The following SLITRK1 variants were observed in gnomAD, a reference collection of about 807,000 sequenced individuals.
The protein encoded by SLITRK1 is SLIT and NTRK-like protein 1.
A neutral mutation model predicts 42.4 loss-of-function variants in SLITRK1; 10 were observed. That is an observed-to-expected ratio of 0.24 (90% CI 0.15 to 0.40). The LOEUF is 0.40. SLITRK1 is among the 10% of genes least tolerant of loss of function. The pLI, the probability that SLITRK1 is intolerant of heterozygous loss-of-function variation, is 1.00. For missense variants in SLITRK1, 778 were observed against 848.8 expected (o/e 0.92, Z 1.04); for synonymous variants, 389 against 365.7 (o/e 1.06, Z -0.73).
chr13:83,880,006 A>G lies in SLITRK1; in HGVS notation c.1502T>C (p.Leu501Pro). The G allele has an allele frequency of 6.2e-7, 1 of 1,614,086 alleles. No homozygotes were observed. Among genetic ancestry groups the G allele is most frequent in the Non-Finnish European group, 8.5e-7 (1 of 1,180,028 alleles). The change falls in exon 2 of 2, where the codon CTG becomes CCG. Residue 501 changes from leucine to proline, a missense_variant. This residue lies in a region of SLITRK1 where 395 missense variants were observed against 360.4 expected (regional missense o/e 1.10). Coordinates refer to ENST00000674365, the MANE Select transcript of SLITRK1 (RefSeq NM_001281503.2). ...FAGVSLSKLSLHNNYFMYLPV... is the reference protein window; with the variant it reads ...FAGVSLSKLSPHNNYFMYLPV... ...GAGGTACATGAAGTAATTGTTGTGC[A>G]GGCTGAGTTTAGAGAGCGAGACCCC...
Position 83,880,692 on chromosome 13 carries a change from C to A in SLITRK1, c.816G>T (p.Pro272=). The part of the protein sequence containing the change: ...PLKNRVDSSL[P]APPAQEETFA... ...AGGTCTCTTCTTGGGCAGGGGGCGC[C>A]GGGAGACTAGAATCCACTCGGTTTT... Residue 272 remains proline, a synonymous_variant, in exon 2 of 2, where the codon CCG becomes CCT. Transcript: ENST00000674365. The A allele has an allele frequency of 6.2e-7, 1 of 1,614,054 alleles. No individual in the cohort carries two copies. The highest frequency in any genetic ancestry group is 8.5e-7 in the Non-Finnish European group (1 of 1,180,022).
chr13:83,880,479 C>A lies in SLITRK1; in HGVS notation c.1029G>T (p.Gly343=). 6.2e-7 allele frequency: 1 copy of A among 1,614,010 alleles called. No homozygotes were observed. Among genetic ancestry groups the A allele is most frequent in the Non-Finnish European group, 8.5e-7 (1 of 1,180,016 alleles). ...KPLANSLPCP[G]GCSCDHIPGS... is the part of the protein sequence containing the mutation. ...CTGGGATGTGGTCGCAGCTGCAGCCCCCAGGGCAGGGTAAACTGTTAGCTA... is the reference window on the plus strand; with the variant it reads ...CTGGGATGTGGTCGCAGCTGCAGCCACCAGGGCAGGGTAAACTGTTAGCTA... The change falls in exon 2 of 2, where the codon GGG becomes GGT. Residue 343 remains glycine, a synonymous_variant. Transcript: ENST00000674365.
intron 1 of SLITRK1, 191 bp from the exon 2 acceptor site, chr13:83,881,751 GAAAAA>G (rs771177138): frequency 1.9e-5 from 2 of 106,704 alleles, no homozygotes; most frequent in Non-Finnish European, 4.0e-5. Flanking sequence ...GGCAAGCAAA[GAAAAA>G]AAAAAAAAAA....
chr13:83,877,417 G>A lies in SLITRK1; in HGVS notation c.*2000C>T, dbSNP rs1193979072. ...TGCAGTCTTTTGACATACTTCTCAA[G>A]GGTGGATATGTGGTGGAATGCAGAC... On this transcript the variant is annotated 3_prime_UTR_variant, in exon 2 of 2. Transcript: ENST00000674365. 2 of 152,040 alleles carry A rather than the reference G, an allele frequency of 1.3e-5. No individual in the cohort carries two copies. Among genetic ancestry groups the A allele is most frequent in the African/African-American group, 4.8e-5 (2 of 41,378 alleles). 9.4% of individuals were successfully genotyped at this position (152,040 alleles called of 1,614,324 possible).
Position 83,879,246 on chromosome 13 carries a change from G to T in SLITRK1, c.*171C>A. 1 of 757,032 alleles carries T rather than the reference G, an allele frequency of 1.3e-6. No individual in the cohort carries two copies. The highest frequency in any genetic ancestry group is 2.2e-6 in the Non-Finnish European group (1 of 463,104). 46.9% of individuals were successfully genotyped at this position (757,032 alleles called of 1,614,324 possible). Reference sequence around the variant, plus strand: ...CTCTTTGTTTCAAGGAGGGAGCTAAGTAAGGGGTCAGGCCCTTTCGGTTGT... The same window carrying T: ...CTCTTTGTTTCAAGGAGGGAGCTAATTAAGGGGTCAGGCCCTTTCGGTTGT... On this transcript the variant is annotated 3_prime_UTR_variant, in exon 2 of 2. Transcript: ENST00000674365.
At position 83,878,604 on chromosome 13, in the gene SLITRK1, TA is replaced by T. The variant is rs2137214926; in HGVS notation, c.*812del. ...AAATAAAAGAACCCAAAACAACCCC[TA>T]AAAACTTCCCTCAACAAAATACATT... On this transcript the variant is annotated 3_prime_UTR_variant, in exon 2 of 2. Transcript: ENST00000674365. 1 of 152,654 alleles carries T rather than the reference TA, an allele frequency of 6.6e-6. No individual in the cohort carries two copies. Among genetic ancestry groups the T allele is most frequent in the South Asian group, 2.1e-4 (1 of 4,826 alleles). The allele number at this position is 152,654 out of a possible 1,614,324, so 9.5% of individuals were successfully genotyped here. A position where few individuals can be genotyped will look rare whatever the true frequency, so the allele number is the denominator to read the frequency against.
chr13:83,879,330 G>A lies in SLITRK1; in HGVS notation c.*87C>T, dbSNP rs1447854075. 6.5e-7 allele frequency: 1 copy of A among 1,544,128 alleles called. No individual in the cohort carries two copies. The highest frequency in any genetic ancestry group is 8.8e-7 in the Non-Finnish European group (1 of 1,133,904). On this transcript the variant is annotated 3_prime_UTR_variant, in exon 2 of 2. Transcript: ENST00000674365. ...TCCAGGCTGATGGCGCGGGGATTTG[G>A]GTACACGCCCCTCCAGCCCCCGGGG...
rs780461274 is a variant in SLITRK1 at position 83,880,439 on chromosome 13, T to C, written c.1069A>G (p.Met357Val). Reference sequence around the variant, plus strand: ...CTCACGTTCCTGTTGTTGCAGTTCATCTTTAAACCCGACCCTGGGATGTGG... The same window carrying C: ...CTCACGTTCCTGTTGTTGCAGTTCACCTTTAAACCCGACCCTGGGATGTGG... ...CDHIPGSGLK[M>V]NCNNRNVSSL... Residue 357 changes from methionine (M) to valine (V), a missense_variant, in exon 2 of 2, where the codon ATG becomes GTG. Met to Val is a conservative substitution (Grantham distance 21). Coordinates refer to ENST00000674365, the MANE Select transcript of SLITRK1 (RefSeq NM_001281503.2). The C allele has an allele frequency of 1.2e-6, 2 of 1,613,970 alleles. No individual in the cohort carries two copies. The highest frequency in any genetic ancestry group is 1.7e-6 in the Non-Finnish European group (2 of 1,180,018).
At position 83,877,798 on chromosome 13, in the gene SLITRK1, G is replaced by A. The variant is rs1884721492; in HGVS notation, c.*1619C>T. On this transcript the variant is annotated 3_prime_UTR_variant, in exon 2 of 2. Transcript: ENST00000674365. ...TTAGGTCTGTCTTTCATTGAGGAGT[G>A]CTGACCAATGAAATCTCCACTCTGT... 1.3e-5 allele frequency: 2 copies of A among 152,426 alleles called. No homozygotes were observed. Among genetic ancestry groups the A allele is most frequent in the South Asian group, 2.1e-4 (1 of 4,826 alleles). The allele number at this position is 152,426 out of a possible 1,614,324, so 9.4% of individuals were successfully genotyped here.
rs753539375 is a variant in SLITRK1, at chr13:83,878,487, C to A, written c.*930G>T. ...GATACTATAATAGAAATCATGGGTA[C>A]TTATTTTACATTCAGATGGAAGGCA... On this transcript the variant is annotated 3_prime_UTR_variant, in exon 2 of 2. Coordinates refer to ENST00000674365, the MANE Select transcript of SLITRK1 (RefSeq NM_001281503.2). 2.6e-5 allele frequency: 4 copies of A among 151,966 alleles called. No individual in the cohort carries two copies. Among genetic ancestry groups the A allele is most frequent in the Admixed American group, 6.6e-5 (1 of 15,208 alleles). The allele number at this position is 151,966 out of a possible 1,614,324, so 9.4% of individuals were successfully genotyped here. A position where few individuals can be genotyped will look rare whatever the true frequency, so the allele number is the denominator to read the frequency against.
rs573017436 is a variant in SLITRK1, at chr13:83,878,448, T to G, written c.*969A>C. 6.6e-6 allele frequency: 1 copy of G among 152,530 alleles called. No individual in the cohort carries two copies. The highest frequency in any genetic ancestry group is 6.6e-5 in the Admixed American group (1 of 15,266). 9.4% of individuals were successfully genotyped at this position (152,530 alleles called of 1,614,324 possible). ...GCTTAACTGCCTCAAAATCATTTTT[T>G]AAATAATTACACTGATACTATAATA... is the stretch of plus-strand genomic sequence containing the variant. On this transcript the variant is annotated 3_prime_UTR_variant, in exon 2 of 2. Transcript: ENST00000674365.
At position 83,879,078 on chromosome 13, in the gene SLITRK1, C is replaced by T. The variant is rs975657411; in HGVS notation, c.*339G>A. Reference sequence around the variant, plus strand: ...TGGATATATGTATATATGTATAGAACCGCGGCATCCAACCCCACAGGCCCC... The same window carrying T: ...TGGATATATGTATATATGTATAGAATCGCGGCATCCAACCCCACAGGCCCC... On this transcript the variant is annotated 3_prime_UTR_variant, in exon 2 of 2. Transcript: ENST00000674365. 4 of 386,590 alleles carry T rather than the reference C, an allele frequency of 1.0e-5. No homozygotes were observed. The highest frequency in any genetic ancestry group is 6.0e-5 in the East Asian group (1 of 16,600). 23.9% of individuals were successfully genotyped at this position (386,590 alleles called of 1,614,324 possible).
In SLITRK1 at chr13:83,880,481, C is replaced by A. The variant is rs1884788343; in HGVS notation, c.1027G>T (p.Gly343Trp). ...GGGATGTGGTCGCAGCTGCAGCCCC[C>A]AGGGCAGGGTAAACTGTTAGCTAAG... The part of the protein sequence containing the change: ...KPLANSLPCP[G>W]GCSCDHIPGS... Residue 343 changes from glycine to tryptophan, a missense_variant, in exon 2 of 2, where the codon GGG becomes TGG. Physicochemically the swap from Gly to Trp is radical, Grantham distance 184. Around this residue, in one of 4 missense-constraint regions of SLITRK1, gnomAD observed 395 missense variants for 360.4 expected, o/e 1.10. Transcript: ENST00000674365. 6.2e-7 allele frequency: 1 copy of A among 1,614,058 alleles called. No individual in the cohort carries two copies. Among genetic ancestry groups the A allele is most frequent in the Non-Finnish European group, 8.5e-7 (1 of 1,180,026 alleles).
At position 83,881,068 on chromosome 13, in the gene SLITRK1, G is replaced by A; in HGVS notation, c.440C>T (p.Pro147Leu). The change falls in exon 2 of 2, where the codon CCG (proline) becomes CTG (leucine). Residue 147 changes from proline to leucine, a missense_variant. Pro to Leu is a moderately conservative substitution (Grantham distance 98). Coordinates refer to ENST00000674365, the MANE Select transcript of SLITRK1 (RefSeq NM_001281503.2). ...ADFNLLRDID[P>L]GAFQDLNKLE... ...CTTGTTCAAGTCCTGGAAGGCCCCC[G>A]GGTCTATATCTCGTAATAAATTAAA... The A allele has an allele frequency of 8.7e-6, 14 of 1,614,012 alleles. No homozygotes were observed. Among genetic ancestry groups the A allele is most frequent in the Non-Finnish European group, 1.2e-5 (14 of 1,180,028 alleles).
At position 83,879,663 on chromosome 13, in the gene SLITRK1, C is replaced by A; in HGVS notation, c.1845G>T (p.Val615=). 1 of 1,613,950 alleles carries A rather than the reference C, an allele frequency of 6.2e-7. No individual in the cohort carries two copies. The highest frequency in any genetic ancestry group is 1.1e-5 in the South Asian group (1 of 91,058). Residue 615 remains valine (V), a synonymous_variant, in exon 2 of 2, where the codon GTG becomes GTT. Transcript: ENST00000674365. ...HSNSYLDTSR[V]SISVLVPGLL... The stretch of plus-strand genomic sequence containing the variant: ...GTCCCGGGACCAACACCGAGATGGA[C>A]ACCCTGCTGGTGTCTAGGTAGGAGT...
At position 83,880,606 on chromosome 13, in the gene SLITRK1, G is replaced by C. The variant is rs373022292; in HGVS notation, c.902C>G (p.Pro301Arg). The C allele has an allele frequency of 6.8e-6, 11 of 1,614,158 alleles. No individual in the cohort carries two copies. The African/African-American group carries it at 9.3e-5, about 14-fold the overall frequency. The change falls in exon 2 of 2, where the codon CCA becomes CGA. Residue 301 changes from proline (P) to arginine (R), a missense_variant. Physicochemically the swap from Pro to Arg is moderately radical, Grantham distance 103 (BLOSUM62 -2). Coordinates refer to ENST00000674365, the MANE Select transcript of SLITRK1 (RefSeq NM_001281503.2). ...KTNGQEDHATPGSAPNGGTKI... is the reference protein window; with the variant it reads ...KTNGQEDHATRGSAPNGGTKI... Reference sequence around the variant, plus strand: ...TGTACCTCCGTTTGGAGCAGACCCTGGTGTGGCATGATCCTCTTGCCCATT... The same window carrying C: ...TGTACCTCCGTTTGGAGCAGACCCTCGTGTGGCATGATCCTCTTGCCCATT...
rs890429459 is a variant in SLITRK1 at position 83,877,815 on chromosome 13, C to T, written c.*1602G>A. On this transcript the variant is annotated 3_prime_UTR_variant, in exon 2 of 2. Coordinates refer to ENST00000674365, the MANE Select transcript of SLITRK1 (RefSeq NM_001281503.2). ...TGAGGAGTGCTGACCAATGAAATCT[C>T]CACTCTGTTTAATGAGACCTATCTA... 6.6e-6 allele frequency: 1 copy of T among 152,420 alleles called. No homozygotes were observed. Among genetic ancestry groups the T allele is most frequent in the African/African-American group, 2.4e-5 (1 of 41,356 alleles). The allele number at this position is 152,420 out of a possible 1,614,324, so 9.4% of individuals were successfully genotyped here. A position where few individuals can be genotyped will look rare whatever the true frequency, so the allele number is the denominator to read the frequency against.
chr13:83,880,744 G>A lies in SLITRK1; in HGVS notation c.764C>T (p.Thr255Ile). 1 of 1,614,180 alleles carries A rather than the reference G, an allele frequency of 6.2e-7. No homozygotes were observed. Among genetic ancestry groups the A allele is most frequent in the Non-Finnish European group, 8.5e-7 (1 of 1,180,038 alleles). ...TRLQGKDLNE[T>I]TEQDLCPLKN... The stretch of plus-strand genomic sequence containing the variant: ...CAAAGGACACAAGTCCTGTTCGGTG[G>A]TTTCATTGAGGTCTTTACCCTGCAG... The change falls in exon 2 of 2, where the codon ACC becomes ATC. Residue 255 changes from threonine (T) to isoleucine (I), a missense_variant. Physicochemically the swap from Thr to Ile is moderately conservative, Grantham distance 89. Coordinates refer to ENST00000674365, the MANE Select transcript of SLITRK1 (RefSeq NM_001281503.2).
In SLITRK1 at chr13:83,877,648, T is replaced by G. The variant is rs1257977987; in HGVS notation, c.*1769A>C. 5 of 130,288 alleles carry G rather than the reference T, an allele frequency of 3.8e-5. No homozygotes were observed. 8.1% of individuals were successfully genotyped at this position (130,288 alleles called of 1,614,324 possible). On this transcript the variant is annotated 3_prime_UTR_variant, in exon 2 of 2. Coordinates refer to ENST00000674365, the MANE Select transcript of SLITRK1 (RefSeq NM_001281503.2). ...GGATAATGATTAATTTCCATAAAGA[T>G]GAGTGCTTTAACAAATTTCAATATG... is the stretch of plus-strand genomic sequence containing the variant.
Sources: allele counts gnomAD v4.1 joint callset, GRCh38; gene constraint gnomAD v4.1.1; regional missense constraint gnomAD v4.1.1; transcripts MANE v1.5; gene names NCBI Gene and HGNC (gene_info 2026-07-23, HGNC 2026-07-21).